The following TRHDE variants were observed in gnomAD, a reference collection of about 807,000 sequenced individuals.
TRHDE encodes thyrotropin-releasing hormone-degrading ectoenzyme.
Under a neutral mutation model 125.7 loss-of-function variants are expected in TRHDE, and 72 were observed. That is an observed-to-expected ratio of 0.57 (90% CI 0.47 to 0.70). The LOEUF (loss-of-function observed/expected upper bound fraction) is 0.70, where lower values mean the gene tolerates loss of function less well. Ranked by LOEUF, TRHDE falls within the 30% of genes least tolerant of loss-of-function variation. TRHDE has a pLI of 0.00. For missense variants in TRHDE, 1,110 were observed against 1,327.1 expected, an observed-to-expected ratio of 0.84 and a Z score of 2.54; for synonymous variants, 509 against 509.1, an observed-to-expected ratio of 1.00 and a Z score of 0.00.
intron 2 of TRHDE, among the ~76,000 whole-genome samples, chr12:72,115,176 A>G (rs186747456): frequency 3.3e-5 from 5 of 152,022 alleles, no homozygotes; most frequent in Admixed American, 2.0e-4. Context: ...ACTAGATCTT[A>G]TTTATTCTAT....
intron 2 of TRHDE, among the ~76,000 whole-genome samples, chr12:72,236,066 C>T (rs1411443533): frequency 1.3e-5 from 2 of 152,196 alleles, no homozygotes; most frequent in South Asian, 2.1e-4. Context: ...AGAAGAGTCA[C>T]ATTTTCCAAA....
intron 7 of TRHDE, among the ~76,000 whole-genome samples, chr12:72,543,336 T>TTGAAGAATATA (rs1869247719): frequency 1.3e-5 from 2 of 151,436 alleles, no homozygotes; most frequent in Admixed American, 1.3e-4. Context: ...AAAATAAATT[T>TTGAAGAATATA]TTTGAAGAAT....
intron 2 of TRHDE, among the ~76,000 whole-genome samples, chr12:72,353,973 C>T (rs1488912612): frequency 6.6e-6 from 1 of 151,454 alleles, no homozygotes; most frequent in Non-Finnish European, 1.5e-5. Flanking sequence ...CACATGGAGA[C>T]GTGCACTTGG....
chr12:72,518,166 T>C (rs1878978144), intron 6 of TRHDE, among the ~76,000 whole-genome samples: 1 of 150,918 alleles, frequency 6.6e-6, no homozygotes, highest in Non-Finnish European at 1.5e-5. Flanking sequence ...TAGGTCTGCT[T>C]GGTGCAGAGC....
At chr12:72,388,874 A>G (rs555242724) in intron 3 of TRHDE, among the ~76,000 whole-genome samples, 18 of 151,450 alleles carry the variant, frequency 1.2e-4, no homozygotes, top group African/African-American at 4.1e-4. Context: ...GGAAAATGAA[A>G]TAAGTATCTA....
rs1224756596 is a variant in TRHDE, at chr12:72,605,379, AT to A, written c.2322-13505del. Among the ~76,000 whole-genome samples the A allele has an allele frequency of 2.6e-5, 4 of 152,036 alleles. No individual in the cohort carries two copies. In the East Asian group the frequency reaches 7.7e-4, roughly 29 times the overall value. ...CATTATACTCCTTGCGACTCAATGT[AT>A]TTTTTTAGCTTTGCCCTTTATTTCT... is the stretch of plus-strand genomic sequence containing the variant. On this transcript the variant is annotated intron_variant, in intron 12 of 18. Transcript: ENST00000261180.
intron 2 of TRHDE, among the ~76,000 whole-genome samples, chr12:72,205,332 G>A (rs1290947645): frequency 1.4e-5 from 2 of 138,706 alleles, no homozygotes; most frequent in African/African-American, 2.6e-5. Context: ...CCAAAGCACT[G>A]TTTTTTTTTT....
rs1212009719 is a variant in TRHDE, at chr12:72,664,284, T to C, written c.*1089T>C. 1 of 152,546 alleles carries C rather than the reference T, an allele frequency of 6.6e-6. No homozygotes were observed. Among genetic ancestry groups the C allele is most frequent in the African/African-American group, 2.4e-5 (1 of 41,450 alleles). The allele number at this position is 152,546 out of a possible 1,614,324, so 9.4% of individuals were successfully genotyped here. A position where few individuals can be genotyped will look rare whatever the true frequency, so the allele number is the denominator to read the frequency against. On this transcript the variant is annotated 3_prime_UTR_variant, in exon 19 of 19. Coordinates refer to ENST00000261180, the MANE Select transcript of TRHDE (RefSeq NM_013381.3). Reference sequence around the variant, plus strand: ...CCATCTTGTTTGTTTTCCTACCTTATGCTGAGTAGTCCAGAGAGTTAAAAA... The same window carrying C: ...CCATCTTGTTTGTTTTCCTACCTTACGCTGAGTAGTCCAGAGAGTTAAAAA...
chr12:72,476,553 T>C (rs1025961592), intron 5 of TRHDE, among the ~76,000 whole-genome samples: 3 of 152,206 alleles, frequency 2.0e-5, no homozygotes, highest in African/African-American at 4.8e-5. Flanking sequence ...TGTAAGTGCA[T>C]GGCTTAAGGT....
chr12:72,095,330 T>A (rs926847813), intron 1 of TRHDE, among the ~76,000 whole-genome samples: 5 of 152,170 alleles, frequency 3.3e-5, no homozygotes, highest in Admixed American at 6.5e-5. Context: ...AATATCCAAT[T>A]TGGCATTTGA....
At chr12:72,621,086 A>G in intron 13 of TRHDE, 22 bp from the exon 14 acceptor site, 1 of 1,394,794 alleles carries the variant, frequency 7.2e-7, no homozygotes, top group Non-Finnish European at 1.0e-6. Flanking sequence ...CCTTATCTTT[A>G]TTTATTCTAT....
chr12:72,144,600 C>T (rs1876186965), intron 2 of TRHDE, among the ~76,000 whole-genome samples: 2 of 152,128 alleles, frequency 1.3e-5, no homozygotes, highest in African/African-American at 4.8e-5. Context: ...TGCTCACCAT[C>T]AAGATTTTCA....
intron 2 of TRHDE, among the ~76,000 whole-genome samples, chr12:72,224,130 C>T (rs11179119): frequency 2.5e-5 from 2 of 80,882 alleles, no homozygotes; most frequent in East Asian, 3.5e-4. Flanking sequence ...ATCTATCTAT[C>T]TATCTATCTA....
At chr12:72,231,409 C>T (rs1237807589) in intron 2 of TRHDE, among the ~76,000 whole-genome samples, 1 of 152,128 alleles carries the variant, frequency 6.6e-6, no homozygotes, top group African/African-American at 2.4e-5. Context: ...CCCCCACCCC[C>T]TTTTGGAGGA....
chr12:72,586,922 G>T (rs577735483), intron 12 of TRHDE, among the ~76,000 whole-genome samples: 1 of 152,258 alleles, frequency 6.6e-6, no homozygotes, highest in African/African-American at 2.4e-5. Context: ...ATTTTATGTG[G>T]ATGCTAACTT....
At chr12:72,463,032 T>A (rs1418241431) in intron 3 of TRHDE, among the ~76,000 whole-genome samples, 2 of 152,240 alleles carry the variant, frequency 1.3e-5, no homozygotes, top group Non-Finnish European at 2.9e-5. Flanking sequence ...TTTATTCTGT[T>A]CTGAAACCAC....
intron 2 of TRHDE, among the ~76,000 whole-genome samples, chr12:72,362,977 A>G (rs993442124): frequency 2.0e-5 from 3 of 152,006 alleles, no homozygotes; most frequent in African/African-American, 4.8e-5. Context: ...GACTTGTAGT[A>G]TAGTTTGAAG....
At chr12:72,367,442 A>G (rs142462122) in intron 2 of TRHDE, among the ~76,000 whole-genome samples, 1 of 151,664 alleles carries the variant, frequency 6.6e-6, no homozygotes, top group East Asian at 1.9e-4. Flanking sequence ...TCCTCCTTCC[A>G]GCTTCTTCTT....
chr12:72,586,210 G>C (rs1173034547), intron 12 of TRHDE, among the ~76,000 whole-genome samples: 3 of 152,086 alleles, frequency 2.0e-5, no homozygotes, highest in Non-Finnish European at 2.9e-5. Context: ...AAATATAAAA[G>C]ATTCCATTTT....
Sources: allele counts gnomAD v4.1 joint callset (sites outside exome capture counted in the v4.1 genomes callset), GRCh38; gene constraint gnomAD v4.1.1; transcripts MANE v1.5; gene names NCBI Gene and HGNC (gene_info 2026-07-23, HGNC 2026-07-21).